DLGAP1: variants seen among roughly 807,000 people sequenced by gnomAD.
The protein encoded by DLGAP1 is DLG associated protein 1, also known as disks large-associated protein 1.
A neutral mutation model predicts 90.8 loss-of-function variants in DLGAP1; 11 were observed. The observed-to-expected ratio is 0.12, with a 90% CI of 0.08 to 0.20. The LOEUF (loss-of-function observed/expected upper bound fraction) is 0.20. Among genes scored for constraint, DLGAP1 ranks in the 10% least tolerant of loss-of-function variants. The pLI, the probability that DLGAP1 is intolerant of heterozygous loss-of-function variation, is 1.00. For synonymous variants in DLGAP1, 558 were observed against 540.7 expected, an observed-to-expected ratio of 1.03 and a Z score of -0.44; for missense variants, 1,050 against 1,333.8, an observed-to-expected ratio of 0.79 and a Z score of 3.31.
chr18:3,888,564 A>G (rs1054790488), intron 3 of DLGAP1, among the ~76,000 whole-genome samples: 9 of 152,184 alleles, frequency 5.9e-5, no homozygotes, highest in African/African-American at 1.7e-4. Context: ...TAAAAAAAAA[A>G]AAACCAACGA....
chr18:4,043,172 G>A (rs577926068), intron 2 of DLGAP1, among the ~76,000 whole-genome samples: 230 of 152,238 alleles, frequency 1.5e-3, no homozygotes, highest in African/African-American at 5.0e-3. Context: ...ATTTCTATTG[G>A]AAATATTTGT....
In DLGAP1 at chr18:4,045,379, T is replaced by A. The variant is rs190058575; in HGVS notation, c.-158-40178A>T. 8.2e-3 allele frequency among the ~76,000 whole-genome samples: 1,149 copies of A among 140,420 alleles called. 11 individuals carry two copies. The highest frequency in any genetic ancestry group is 0.013 in the Non-Finnish European group (842 of 66,442). The allele number at this position is 140,420 out of a possible 152,430, so 92.1% of individuals were successfully genotyped here. A position where few individuals can be genotyped will look rare whatever the true frequency, so the allele number is the denominator to read the frequency against. On this transcript the variant is annotated intron_variant, in intron 2 of 12. Transcript: ENST00000315677. ...TTTCTAGAATTACCTAAGATTTGCA[T>A]TTCTTGGAAATAGAGATCACAGCCT...
intron 1 of DLGAP1, among the ~76,000 whole-genome samples, chr18:4,175,617 G>A (rs1181859033): frequency 1.3e-5 from 2 of 152,090 alleles, no homozygotes; most frequent in Non-Finnish European, 2.9e-5. Context: ...AAGGGGTCCA[G>A]TTTCAGTTTT....
chr18:3,726,027 T>C (rs926743436), intron 7 of DLGAP1, among the ~76,000 whole-genome samples: 7 of 152,212 alleles, frequency 4.6e-5, no homozygotes, highest in African/African-American at 1.7e-4. Context: ...ATGTCAAAGA[T>C]TTAGAATGTG....
intron 1 of DLGAP1, among the ~76,000 whole-genome samples, chr18:4,389,389 G>A (rs2082297195): frequency 6.6e-6 from 1 of 152,116 alleles, no homozygotes; most frequent in African/African-American, 2.4e-5. Context: ...GTTCTTTAAT[G>A]GGCATAGAGT....
intron 1 of DLGAP1, among the ~76,000 whole-genome samples, chr18:4,233,808 A>G (rs2078348163): frequency 6.6e-6 from 1 of 152,210 alleles, no homozygotes; most frequent in African/African-American, 2.4e-5. Context: ...ATAACATCAC[A>G]GGGGATCTGA....
chr18:3,656,808 T>C (rs7229371), intron 7 of DLGAP1, among the ~76,000 whole-genome samples: 27,918 of 151,752 alleles, frequency 0.18, 6,253 homozygotes, highest in African/African-American at 0.54. Flanking sequence ...TCTCGGATCT[T>C]GGATCTCGGC....
intron 7 of DLGAP1, among the ~76,000 whole-genome samples, chr18:3,612,324 A>G (rs1010143908): frequency 2.6e-5 from 4 of 152,372 alleles, no homozygotes; most frequent in African/African-American, 9.6e-5. Flanking sequence ...AAACTTCCTT[A>G]TAGGGTTGTA....
intron 1 of DLGAP1, among the ~76,000 whole-genome samples, chr18:4,391,369 C>T (rs550843167): frequency 3.9e-5 from 6 of 152,088 alleles, no homozygotes; most frequent in Non-Finnish European, 8.8e-5. Context: ...GTTTGACCCA[C>T]GGTGGGGTTT....
intron 11 of DLGAP1, among the ~76,000 whole-genome samples, chr18:3,506,202 C>A (rs1395322421): frequency 6.6e-6 from 1 of 151,440 alleles, no homozygotes; most frequent in African/African-American, 2.4e-5. Flanking sequence ...ACGCCACTGC[C>A]CTCCAGCCTG....
intron 1 of DLGAP1, among the ~76,000 whole-genome samples, chr18:4,390,142 A>G (rs1226795257): frequency 2.0e-5 from 3 of 146,576 alleles, no homozygotes; most frequent in African/African-American, 7.5e-5. Context: ...TCCCCATACC[A>G]TGTTGGCCCA....
At chr18:4,115,224 CAT>C (rs1237175614) in intron 2 of DLGAP1, among the ~76,000 whole-genome samples, 2 of 151,976 alleles carry the variant, frequency 1.3e-5, no homozygotes, top group Non-Finnish European at 2.9e-5. Flanking sequence ...AAATTTTACT[CAT>C]ATATGTGTCT....
At chr18:4,001,403 T>C (rs2074182287) in intron 3 of DLGAP1, among the ~76,000 whole-genome samples, 1 of 152,156 alleles carries the variant, frequency 6.6e-6, no homozygotes, top group Non-Finnish European at 1.5e-5. Context: ...CTTTCTGGCA[T>C]GCTTTTATTG....
rs1489692288 is a variant in DLGAP1 at position 3,997,175 on chromosome 18, C to T, written c.-73+7941G>A. Among the ~76,000 whole-genome samples the T allele has an allele frequency of 1.7e-4, 18 of 104,322 alleles. 4 individuals are homozygous for T. The highest frequency in any genetic ancestry group is 9.2e-4 in the South Asian group (2 of 2,164). The allele number at this position is 104,322 out of a possible 152,430, so 68.4% of individuals were successfully genotyped here. ...TACCCATAACTCATTCGCTATTTGA[C>T]GTAGTTCTCTTAAATAAATCATCCT... On this transcript the variant is annotated intron_variant, in intron 3 of 12. Transcript: ENST00000315677.
intron 2 of DLGAP1, among the ~76,000 whole-genome samples, chr18:4,088,425 T>C (rs4798164): frequency 0.59 from 89,404 of 151,430 alleles, 27,035 homozygotes; most frequent in Non-Finnish European, 0.64. Context: ...CACATAATTT[T>C]CCTTTGTGTG....
At chr18:4,363,385 A>G (rs1875431408) in intron 1 of DLGAP1, among the ~76,000 whole-genome samples, 1 of 152,206 alleles carries the variant, frequency 6.6e-6, no homozygotes, top group South Asian at 2.1e-4. Context: ...TGGAAGCCAC[A>G]TTGGCTCAAG....
chr18:3,769,001 T>C (rs1020755357), intron 5 of DLGAP1, among the ~76,000 whole-genome samples: 1 of 152,048 alleles, frequency 6.6e-6, no homozygotes, highest in Non-Finnish European at 1.5e-5. Flanking sequence ...AAATAGAAGA[T>C]AATTGAAAAT....
chr18:3,759,075 T>A (rs2063839708), intron 5 of DLGAP1, among the ~76,000 whole-genome samples: 1 of 149,222 alleles, frequency 6.7e-6, no homozygotes, highest in African/African-American at 2.5e-5. Context: ...TCCGTAAAGG[T>A]TTGACACGGG....
chr18:3,625,652 G>A (rs79740357), intron 7 of DLGAP1, among the ~76,000 whole-genome samples: 2,089 of 152,178 alleles, frequency 0.014, 18 homozygotes, highest in Non-Finnish European at 0.02. Context: ...CTTCATGATT[G>A]CAATCTAAGT....
Sources: allele counts gnomAD v4.1 joint callset (sites outside exome capture counted in the v4.1 genomes callset), GRCh38; gene constraint gnomAD v4.1.1; transcripts MANE v1.5; gene names NCBI Gene and HGNC (gene_info 2026-07-23, HGNC 2026-07-21).